ERCC6: variants seen among roughly 807,000 people sequenced by gnomAD.
The protein encoded by ERCC6 is ERCC excision repair 6, chromatin remodeling factor, also known as DNA excision repair protein ERCC-6.
ERCC6 carries 116 observed loss-of-function variants against 158.7 expected under a neutral mutation model. The observed-to-expected ratio is 0.73, with a 90% CI of 0.63 to 0.85. The LOEUF is 0.85. Ranked by LOEUF, ERCC6 falls within the 40% of genes least tolerant of loss-of-function variation. The pLI, the probability that ERCC6 is intolerant of heterozygous loss-of-function variation, is 0.00. For synonymous variants in ERCC6, 678 were observed against 659.3 expected (o/e 1.03, Z -0.43); for missense variants, 1,698 against 1,799.4 (o/e 0.94, Z 1.02).
chr10:49,482,808 C>T lies in ERCC6; in HGVS notation c.2048G>A (p.Arg683Gln), dbSNP rs148845653. ...LSGSPMQNNL[R>Q]ELWSLFDFIF... ...GAAGTCAAAGAGCGACCACAGCTCT[C>T]GGAGGTTATTTTGCATCGGTGAGCC... Residue 683 changes from arginine to glutamine, a missense_variant, in exon 10 of 21, where the codon CGA becomes CAA. Transcript: ENST00000355832. 277 of 1,613,866 alleles carry T rather than the reference C, an allele frequency of 1.7e-4. No individual in the cohort carries two copies. The highest frequency in any genetic ancestry group is 2.7e-4 in the Admixed American group (16 of 59,990).
At chr10:49,460,208 T>C (rs1850552303) in intron 20 of ERCC6, 165 bp downstream of exon 20, 3 of 667,288 alleles carry the variant, frequency 4.5e-6, no homozygotes, top group East Asian at 2.7e-5. Flanking sequence ...CAGGTCCTTT[T>C]AGATTCAAGT....
downstream of ERCC6, among the ~76,000 whole-genome samples, chr10:49,451,537 T>C (rs940589720): frequency 6.6e-6 from 1 of 152,218 alleles, no homozygotes; most frequent in African/African-American, 2.4e-5. Flanking sequence ...TCAGTAGAGA[T>C]GACTTTTTTA....
chr10:49,467,701 G>A (rs1380580938), intron 18 of ERCC6, among the ~76,000 whole-genome samples: 1 of 151,776 alleles, frequency 6.6e-6, no homozygotes, highest in Non-Finnish European at 1.5e-5. Flanking sequence ...AAGTAGCTGG[G>A]ACCACAGGTG....
chr10:49,507,884 T>C (rs1477921718), intron 5 of ERCC6, among the ~76,000 whole-genome samples: 1 of 152,150 alleles, frequency 6.6e-6, no homozygotes, highest in Non-Finnish European at 1.5e-5. Context: ...CCCTGGCATA[T>C]AGGTATCCCT....
downstream of ERCC6, among the ~76,000 whole-genome samples, chr10:49,453,747 G>T (rs1850446606): frequency 2.3e-5 from 3 of 131,476 alleles, no homozygotes; most frequent in Admixed American, 8.6e-5. Context: ...TACATTTGCT[G>T]GATATAGGAT....
In ERCC6 at chr10:49,470,516, A is replaced by G. The variant is rs1850757259; in HGVS notation, c.3444T>C (p.Asp1148=). 1 of 1,614,144 alleles carries G rather than the reference A, an allele frequency of 6.2e-7. No individual in the cohort carries two copies. Among genetic ancestry groups the G allele is most frequent in the East Asian group, 2.2e-5 (1 of 44,880 alleles). Residue 1148 remains aspartate (D), a synonymous_variant, in exon 18 of 21, where the codon GAT becomes GAC. Transcript: ENST00000355832. ...TTTTGTAAGAAAGACCTAACTTTTC[A>G]TCAATGCTTTCATCACCAGATGGCA... is the stretch of plus-strand genomic sequence containing the variant. ...TSMPSGDESI[D]EKLGLSYKRE... is the part of the protein sequence containing the mutation.
At chr10:49,517,559 G>A (rs927030859) in intron 5 of ERCC6, among the ~76,000 whole-genome samples, 6 of 152,006 alleles carry the variant, frequency 3.9e-5, no homozygotes, top group Non-Finnish European at 8.8e-5. Context: ...GGCATAAATA[G>A]GTTTTAAAAG....
the ERCC6 span, among the ~76,000 whole-genome samples, chr10:49,442,920 A>C: frequency 6.6e-6 from 1 of 152,244 alleles, no homozygotes. Flanking sequence ...TTCTATTCCA[A>C]ACATTAATTT....
chr10:49,534,507 AAC>A (rs1837551491), intron 1 of ERCC6, among the ~76,000 whole-genome samples: 1 of 152,238 alleles, frequency 6.6e-6, no homozygotes, highest in Non-Finnish European at 1.5e-5. Context: ...TCATGGTATG[AAC>A]ACACTTATGC....
At chr10:49,462,399 T>C (rs756186917) in intron 18 of ERCC6, among the ~76,000 whole-genome samples, 2 of 151,948 alleles carry the variant, frequency 1.3e-5, no homozygotes. Context: ...AGCAAAACCA[T>C]ACAAGTAGTA....
rs748130314 is a variant in ERCC6, at chr10:49,478,518, C to T, written c.2170-48G>A. 38 of 1,126,496 alleles carry T rather than the reference C, an allele frequency of 3.4e-5. 2 individuals carry two copies. The highest frequency in any genetic ancestry group is 2.5e-4 in the South Asian group (20 of 81,404). 69.8% of individuals were successfully genotyped at this position (1,126,496 alleles called of 1,614,324 possible). On this transcript the variant is annotated intron_variant, in intron 10 of 20. Transcript: ENST00000355832. ...AACATTACTATATATGTTTAAGGAA[C>T]GCATTTGTTCTTACCTCTCAATTGC...
At chr10:49,538,341 G>C (rs1182604638) in intron 1 of ERCC6, among the ~76,000 whole-genome samples, 6 of 152,220 alleles carry the variant, frequency 3.9e-5, no homozygotes, top group African/African-American at 1.4e-4. Flanking sequence ...GAATGACTCT[G>C]AAAACTGTTA....
the ERCC6 span, among the ~76,000 whole-genome samples, chr10:49,446,445 A>C: frequency 2.6e-5 from 4 of 152,300 alleles, no homozygotes; most frequent in South Asian, 8.3e-4. Flanking sequence ...AGAGGGGAGG[A>C]AGAAACAATT....
chr10:49,516,745 C>T (rs569503220), intron 5 of ERCC6: 20 of 1,614,118 alleles, frequency 1.2e-5, no homozygotes, highest in South Asian at 1.1e-4. Flanking sequence ...CTACCTGCTA[C>T]GGGTTGTACA....
intron 5 of ERCC6, chr10:49,516,275 G>A (rs1404889670): frequency 1.6e-5 from 26 of 1,613,998 alleles, no homozygotes; most frequent in Middle Eastern, 1.6e-4. Context: ...GTTTGCACCC[G>A]TGACGACCAA....
At chr10:49,497,172 T>C (rs112172840) in intron 7 of ERCC6, among the ~76,000 whole-genome samples, 76 of 152,314 alleles carry the variant, frequency 5.0e-4, no homozygotes, top group African/African-American at 1.7e-3. Flanking sequence ...CCTGTCCAGG[T>C]GCCCCTTGAG....
At chr10:49,528,314 T>C (rs1193028292) in intron 4 of ERCC6, 103 bp downstream of exon 4, 2 of 1,405,416 alleles carry the variant, frequency 1.4e-6, no homozygotes, top group Non-Finnish European at 2.0e-6. Flanking sequence ...AAGAAACGTA[T>C]TTTTCTCAAA....
chr10:49,490,331 G>T (rs868298095), intron 8 of ERCC6, among the ~76,000 whole-genome samples: 47 of 149,190 alleles, frequency 3.2e-4, no homozygotes, highest in Middle Eastern at 7.0e-3. Flanking sequence ...TTGACCATTT[G>T]ATATTTTTCC....
intron 8 of ERCC6, among the ~76,000 whole-genome samples, chr10:49,483,982 A>G (rs1027489927): frequency 1.1e-4 from 17 of 152,102 alleles, no homozygotes; most frequent in African/African-American, 4.1e-4. Context: ...AATGATTTTA[A>G]AATGATAGAA....
Sources: allele counts gnomAD v4.1 joint callset (sites outside exome capture counted in the v4.1 genomes callset), GRCh38; gene constraint gnomAD v4.1.1; transcripts MANE v1.5; gene names NCBI Gene and HGNC (gene_info 2026-07-23, HGNC 2026-07-21).